DNAH7: variants seen among roughly 807,000 people sequenced by gnomAD.
DNAH7 encodes the protein axonemal beta dynein heavy chain 7.
Under a neutral mutation model 444.6 loss-of-function variants are expected in DNAH7, and 397 were observed. The observed-to-expected ratio is 0.89, with a 90% CI of 0.82 to 0.97. DNAH7 has a LOEUF of 0.97. DNAH7 is among the 50% of genes least tolerant of loss of function. DNAH7 has a pLI of 0.00. For missense variants in DNAH7, 4,902 were observed against 4,800.8 expected (o/e 1.02, Z -0.62); for synonymous variants, 1,636 against 1,624.4 (o/e 1.01, Z -0.17).
At chr2:196,054,141 G>C (rs1697656770) in intron 2 of DNAH7, among the ~76,000 whole-genome samples, 1 of 152,148 alleles carries the variant, frequency 6.6e-6, no homozygotes, top group South Asian at 2.1e-4. Flanking sequence ...AGCCCTTTAA[G>C]ACCAAAATCG....
intron 10 of DNAH7, among the ~76,000 whole-genome samples, chr2:196,009,797 C>T (rs981539308): frequency 1.8e-4 from 27 of 152,270 alleles, no homozygotes; most frequent in African/African-American, 6.5e-4. Context: ...ACATAGAGAA[C>T]TCAAACAACT....
At position 195,909,474 on chromosome 2, in the gene DNAH7, C is replaced by T. The variant is rs570728202; in HGVS notation, c.4104+553G>A. On this transcript the variant is annotated intron_variant, in intron 25 of 64. Transcript: ENST00000312428. ...AGCTCATGGACTGACAAGAATCTAA[C>T]TTAGAATTTAAAAAAAGTAATACAC... Among the ~76,000 whole-genome samples, 333 of 151,992 alleles carry T rather than the reference C, an allele frequency of 2.2e-3. 1 individual carries two copies. Among genetic ancestry groups the T allele is most frequent in the Non-Finnish European group, 3.6e-3 (243 of 67,964 alleles).
chr2:196,000,477 C>T (rs1487762837), intron 12 of DNAH7, among the ~76,000 whole-genome samples: 1 of 152,168 alleles, frequency 6.6e-6, no homozygotes, highest in Non-Finnish European at 1.5e-5. Context: ...ACTTTAATTC[C>T]TTCTCCTCAG....
At chr2:195,842,354 C>G (rs1462713854) in intron 47 of DNAH7, among the ~76,000 whole-genome samples, 1 of 152,078 alleles carries the variant, frequency 6.6e-6, no homozygotes, top group East Asian at 1.9e-4. Context: ...ATCGTCTCCT[C>G]ACTCAGCTAA....
chr2:195,855,058 C>T (rs1699612358), intron 45 of DNAH7, among the ~76,000 whole-genome samples: 1 of 152,152 alleles, frequency 6.6e-6, no homozygotes, highest in Non-Finnish European at 1.5e-5. Flanking sequence ...ACTGGGTTGA[C>T]GATGGACAAG....
Position 195,857,456 on chromosome 2 carries a change from C to T in DNAH7, c.8335G>A (p.Val2779Ile), listed in dbSNP as rs199939842. The stretch of plus-strand genomic sequence containing the variant: ...GAAGCATTTCTGATTTTTTCTGGTA[C>T]AAAATCTGGATTTGGAATATAATTT... The part of the protein sequence containing the change: ...RKNYIPNPDF[V>I]PEKIRNASTA... The change falls in exon 44 of 65, where the codon GTA (valine) becomes ATA (isoleucine). Residue 2779 changes from valine to isoleucine, a missense_variant. Coordinates refer to ENST00000312428, the MANE Select transcript of DNAH7 (RefSeq NM_018897.3). 1.3e-5 allele frequency: 21 copies of T among 1,613,036 alleles called. No individual in the cohort carries two copies. In the African/African-American group the frequency reaches 2.8e-4, roughly 22 times the overall value.
chr2:195,948,705 T>C (rs1268311248), intron 19 of DNAH7, among the ~76,000 whole-genome samples: 1 of 152,216 alleles, frequency 6.6e-6, no homozygotes, highest in Non-Finnish European at 1.5e-5. Flanking sequence ...CCTTGTAGTA[T>C]AGTTTGAAGT....
At chr2:195,861,490 C>A (rs1700011107) in intron 42 of DNAH7, among the ~76,000 whole-genome samples, 2 of 152,110 alleles carry the variant, frequency 1.3e-5, no homozygotes, top group Non-Finnish European at 2.9e-5. Context: ...CTTCATTCTT[C>A]CAAGAGTTAT....
intron 64 of DNAH7, among the ~76,000 whole-genome samples, chr2:195,739,674 C>T (rs1692873479): frequency 6.6e-6 from 1 of 152,150 alleles, no homozygotes; most frequent in African/African-American, 2.4e-5. Flanking sequence ...CAGTGGACCT[C>T]ACTATTTGTG....
At chr2:195,876,861 G>C (rs1395675999) in intron 36 of DNAH7, among the ~76,000 whole-genome samples, 162 bp from the exon 37 acceptor site, 1 of 152,018 alleles carries the variant, frequency 6.6e-6, no homozygotes, top group African/African-American at 2.4e-5. Flanking sequence ...CATGCCAATG[G>C]AGTGTCTCCA....
chr2:195,976,625 G>A (rs1048337076), intron 15 of DNAH7, among the ~76,000 whole-genome samples: 1 of 152,134 alleles, frequency 6.6e-6, no homozygotes, highest in Non-Finnish European at 1.5e-5. Flanking sequence ...ATGAGAACCA[G>A]TGTTGCACTG....
At chr2:196,030,969 T>G (rs6748889) in intron 5 of DNAH7, among the ~76,000 whole-genome samples, 80,317 of 152,140 alleles carry the variant, frequency 0.53, 22,926 homozygotes, top group South Asian at 0.65. Context: ...ACAGCTCCAC[T>G]AGGCGGTGCC....
At chr2:195,931,198 ATAAAAAT>A (rs1308132781) in intron 21 of DNAH7, among the ~76,000 whole-genome samples, 2 of 152,162 alleles carry the variant, frequency 1.3e-5, no homozygotes, top group Non-Finnish European at 2.9e-5. Flanking sequence ...ATTTAAAAAA[ATAAAAAT>A]TTAGCTGCAT....
intron 12 of DNAH7, among the ~76,000 whole-genome samples, chr2:195,991,985 T>G (rs1010228331): frequency 6.6e-6 from 1 of 152,212 alleles, no homozygotes; most frequent in Non-Finnish European, 1.5e-5. Flanking sequence ...CTAGGATTCC[T>G]TTAGTTTTTA....
chr2:195,823,824 A>G (rs1176288780), intron 49 of DNAH7, among the ~76,000 whole-genome samples: 2 of 152,202 alleles, frequency 1.3e-5, no homozygotes, highest in Non-Finnish European at 2.9e-5. Context: ...TTAGTATTCT[A>G]AAAGAAGTGA....
At chr2:195,895,875 A>C (rs1223465251) in intron 29 of DNAH7, among the ~76,000 whole-genome samples, 1 of 152,176 alleles carries the variant, frequency 6.6e-6, no homozygotes. Context: ...AACATGTCAC[A>C]GCAGGTATCA....
intron 45 of DNAH7, 35 bp downstream of exon 45, chr2:195,855,776 A>T: frequency 6.2e-7 from 1 of 1,602,704 alleles, no homozygotes; most frequent in Admixed American, 1.7e-5. Flanking sequence ...ACGATAACTG[A>T]GAATTTGTCC....
chr2:195,996,757 C>A (rs1406353714), intron 12 of DNAH7, among the ~76,000 whole-genome samples: 1 of 152,128 alleles, frequency 6.6e-6, no homozygotes, highest in Non-Finnish European at 1.5e-5. Flanking sequence ...ATATGCTCTA[C>A]CTGTTGCCCA....
chr2:195,962,991 C>A (rs1476649005), intron 17 of DNAH7, among the ~76,000 whole-genome samples: 1 of 151,890 alleles, frequency 6.6e-6, no homozygotes, highest in Non-Finnish European at 1.5e-5. Flanking sequence ...TATACAGATA[C>A]CACATTTTCT....
Sources: allele counts gnomAD v4.1 joint callset (sites outside exome capture counted in the v4.1 genomes callset), GRCh38; gene constraint gnomAD v4.1.1; transcripts MANE v1.5; gene names NCBI Gene and HGNC (gene_info 2026-07-23, HGNC 2026-07-21).